Variants in TMTC1 observed in about 807,000 individuals in gnomAD.
TMTC1 encodes the protein protein O-mannosyl-transferase TMTC1.
A neutral mutation model predicts 104.8 loss-of-function variants in TMTC1; 73 were observed. That is an observed-to-expected ratio of 0.70 (90% CI 0.58 to 0.85). TMTC1 has a LOEUF of 0.85. Ranked by LOEUF, TMTC1 falls within the 40% of genes least tolerant of loss-of-function variation. The probability of loss-of-function intolerance (pLI) is 0.00; values close to 1 mark genes in which losing one functional copy is unlikely to be tolerated. For missense variants in TMTC1, 1,035 were observed against 1,096.1 expected, an observed-to-expected ratio of 0.94 and a Z score of 0.79; for synonymous variants, 434 against 428.7, an observed-to-expected ratio of 1.01 and a Z score of -0.15.
Position 29,502,891 on chromosome 12 carries a change from G to A in TMTC1, c.*3955C>T, listed in dbSNP as rs898478126. The A allele has an allele frequency of 2.0e-5, 3 of 152,172 alleles. No individual in the cohort carries two copies. Among genetic ancestry groups the A allele is most frequent in the South Asian group, 2.1e-4 (1 of 4,834 alleles). The allele number at this position is 152,172 out of a possible 1,614,324, so 9.4% of individuals were successfully genotyped here. On this transcript the variant is annotated 3_prime_UTR_variant, in exon 18 of 18. Transcript: ENST00000539277. ...CTCAGGTGATTCCAAAGTGCAGCCC[G>A]TGTTGAGAGCCACTACGTGTGAGGG...
intron 5 of TMTC1, among the ~76,000 whole-genome samples, chr12:29,679,929 A>C (rs1172147556): frequency 6.6e-6 from 1 of 152,192 alleles, no homozygotes; most frequent in Non-Finnish European, 1.5e-5. Flanking sequence ...GTAGGTTTAA[A>C]TCTCAATAAT....
intron 5 of TMTC1, among the ~76,000 whole-genome samples, chr12:29,664,079 T>C (rs1000537271): frequency 6.2e-4 from 93 of 149,788 alleles, no homozygotes; most frequent in African/African-American, 1.7e-3. Context: ...CCCAGCTACT[T>C]GGGAGGCTGA....
chr12:29,584,338 A>C (rs764630686), intron 7 of TMTC1, among the ~76,000 whole-genome samples: 1 of 152,206 alleles, frequency 6.6e-6, no homozygotes, highest in Non-Finnish European at 1.5e-5. Flanking sequence ...ACACAGAAGA[A>C]TATAAACTTG....
upstream of TMTC1, among the ~76,000 whole-genome samples, chr12:29,784,137 G>A (rs996593988): frequency 6.6e-6 from 1 of 151,824 alleles, no homozygotes; most frequent in African/African-American, 2.4e-5. Flanking sequence ...CGGGAGCTGC[G>A]GGGAAGGACA....
chr12:29,609,492 A>G (rs534277859), intron 6 of TMTC1, among the ~76,000 whole-genome samples: 2 of 152,226 alleles, frequency 1.3e-5, no homozygotes, highest in Non-Finnish European at 2.9e-5. Flanking sequence ...CCCTACTGCT[A>G]TCTACAGGAA....
chr12:29,648,639 G>A (rs1939380568), intron 5 of TMTC1, among the ~76,000 whole-genome samples: 1 of 152,024 alleles, frequency 6.6e-6, no homozygotes, highest in Non-Finnish European at 1.5e-5. Context: ...TTCTGGCGTG[G>A]GGTCAAGCCA....
intron 6 of TMTC1, among the ~76,000 whole-genome samples, chr12:29,627,688 C>A (rs1257242295): frequency 1.4e-5 from 2 of 140,922 alleles, no homozygotes; most frequent in African/African-American, 2.6e-5. Context: ...TTTAGTAGTC[C>A]AAAAAAAAAA....
intron 6 of TMTC1, among the ~76,000 whole-genome samples, chr12:29,622,690 AT>A (rs1294938101): frequency 6.6e-6 from 1 of 152,200 alleles, no homozygotes; most frequent in Non-Finnish European, 1.5e-5. Context: ...TTTAAAATTC[AT>A]TGTTAAAAAC....
intron 7 of TMTC1, among the ~76,000 whole-genome samples, chr12:29,597,643 A>G (rs1434378458): frequency 6.6e-6 from 1 of 151,384 alleles, no homozygotes; most frequent in Non-Finnish European, 1.5e-5. Flanking sequence ...AAAAAAAAGC[A>G]GTGCATAAAG....
Position 29,622,452 on chromosome 12 carries a change from T to C in TMTC1, c.1128+10695A>G, listed in dbSNP as rs543305663. 2.0e-5 allele frequency among the ~76,000 whole-genome samples: 3 copies of C among 152,320 alleles called. 1 individual carries two copies. Among genetic ancestry groups the C allele is most frequent in the African/African-American group, 4.8e-5 (2 of 41,580 alleles). ...CAAATTAGACTGGCTACTTTCCTGA[T>C]ATATGTCACTTTTTATTGCAAGTCA... On this transcript the variant is annotated intron_variant, in intron 6 of 17. Coordinates refer to ENST00000539277, the MANE Select transcript of TMTC1 (RefSeq NM_001193451.2).
At position 29,660,077 on chromosome 12, in the gene TMTC1, G is replaced by A. The variant is rs1272115089; in HGVS notation, c.939-26741C>T. On this transcript the variant is annotated intron_variant, in intron 5 of 17. Transcript: ENST00000539277. ...GTTCCTCTAACAGGGAATGAAGTCAGTCACCCCTTCCCTTAAATCTGAGTT... is the reference window on the plus strand; with the variant it reads ...GTTCCTCTAACAGGGAATGAAGTCAATCACCCCTTCCCTTAAATCTGAGTT... The A allele has an allele frequency of 4.2e-6, 4 of 949,928 alleles. No individual in the cohort carries two copies. In the African/African-American group the frequency reaches 6.5e-5, roughly 16 times the overall value. The allele number at this position is 949,928 out of a possible 1,614,324, so 58.8% of individuals were successfully genotyped here. A position where few individuals can be genotyped will look rare whatever the true frequency, so the allele number is the denominator to read the frequency against.
intron 9 of TMTC1, among the ~76,000 whole-genome samples, chr12:29,569,531 G>A (rs1366136905): frequency 6.6e-6 from 1 of 152,150 alleles, no homozygotes; most frequent in Non-Finnish European, 1.5e-5. Flanking sequence ...GGGAGGGAGA[G>A]GAATCCCTGT....
chr12:29,613,640 C>T (rs1776181284), intron 6 of TMTC1, among the ~76,000 whole-genome samples: 1 of 151,988 alleles, frequency 6.6e-6, no homozygotes, highest in African/African-American at 2.4e-5. Flanking sequence ...TTTAAACATG[C>T]AATAAAGCCA....
At chr12:29,598,490 A>T (rs1946470891) in intron 7 of TMTC1, among the ~76,000 whole-genome samples, 1 of 152,236 alleles carries the variant, frequency 6.6e-6, no homozygotes, top group African/African-American at 2.4e-5. Flanking sequence ...GCTTTTCAAC[A>T]ATATTGATTA....
chr12:29,512,609 T>C (rs1483488782), intron 16 of TMTC1, among the ~76,000 whole-genome samples: 1 of 152,206 alleles, frequency 6.6e-6, no homozygotes, highest in Non-Finnish European at 1.5e-5. Context: ...TCACCGCCTC[T>C]TTAAGAACAT....
intron 11 of TMTC1, among the ~76,000 whole-genome samples, chr12:29,524,403 G>A (rs925982631): frequency 6.6e-6 from 1 of 152,076 alleles, no homozygotes; most frequent in African/African-American, 2.4e-5. Context: ...AACAAATAGA[G>A]TCAGTAATGG....
chr12:29,678,936 CA>C (rs1239239196), intron 5 of TMTC1, among the ~76,000 whole-genome samples: 4 of 152,118 alleles, frequency 2.6e-5, no homozygotes, highest in African/African-American at 9.7e-5. Context: ...CAACATACAT[CA>C]AAACCTAAAA....
intron 7 of TMTC1, among the ~76,000 whole-genome samples, chr12:29,595,467 C>A (rs986853954): frequency 2.0e-5 from 3 of 152,216 alleles, no homozygotes; most frequent in Non-Finnish European, 4.4e-5. Context: ...AGTCCTTCTG[C>A]TTCCCTTCCT....
chr12:29,539,683 T>C (rs2136211851), intron 10 of TMTC1, among the ~76,000 whole-genome samples: 1 of 152,360 alleles, frequency 6.6e-6, no homozygotes, highest in Middle Eastern at 3.4e-3. Flanking sequence ...TCACTGCGTG[T>C]GCTTTAAAAA....
Sources: allele counts gnomAD v4.1 joint callset (sites outside exome capture counted in the v4.1 genomes callset), GRCh38; gene constraint gnomAD v4.1.1; transcripts MANE v1.5; gene names NCBI Gene and HGNC (gene_info 2026-07-23, HGNC 2026-07-21).